ZNF804B: variants seen among roughly 807,000 people sequenced by gnomAD.
ZNF804B encodes the protein zinc finger 804B.
ZNF804B carries 80 observed loss-of-function variants against 101.4 expected under a neutral mutation model. The ratio of observed to expected loss-of-function variants is 0.79; its 90% CI spans 0.66 to 0.95. ZNF804B has a LOEUF of 0.95. Ranked by LOEUF, ZNF804B falls within the 40% of genes least tolerant of loss-of-function variation. The probability of loss-of-function intolerance (pLI) is 0.00; values close to 1 mark genes in which losing one functional copy is unlikely to be tolerated. For missense variants in ZNF804B, 1,673 were observed against 1,561.9 expected, an observed-to-expected ratio of 1.07 and a Z score of -1.20; for synonymous variants, 622 against 558.8, an observed-to-expected ratio of 1.11 and a Z score of -1.59.
chr7:89,054,301 T>C (rs1166700383), intron 1 of ZNF804B, among the ~76,000 whole-genome samples: 3 of 147,830 alleles, frequency 2.0e-5, no homozygotes, highest in Non-Finnish European at 4.5e-5. Context: ...AATATAAATA[T>C]ATATTATTAC....
At chr7:89,123,408 G>A (rs1198297539) in intron 1 of ZNF804B, among the ~76,000 whole-genome samples, 1 of 152,084 alleles carries the variant, frequency 6.6e-6, no homozygotes, top group Non-Finnish European at 1.5e-5. Context: ...ATGATCAGAT[G>A]TATTACAGAT....
chr7:88,819,617 G>T (rs1021436615), intron 1 of ZNF804B, among the ~76,000 whole-genome samples: 1 of 152,036 alleles, frequency 6.6e-6, no homozygotes, highest in Non-Finnish European at 1.5e-5. Flanking sequence ...GGACACAAAA[G>T]TGCTAAGTGT....
chr7:89,025,475 C>T (rs1396456642), intron 1 of ZNF804B, among the ~76,000 whole-genome samples: 1 of 152,006 alleles, frequency 6.6e-6, no homozygotes, highest in African/African-American at 2.4e-5. Flanking sequence ...TTTAATGTTT[C>T]AAAAGCAATT....
At chr7:88,831,786 A>C (rs1286617377) in intron 1 of ZNF804B, among the ~76,000 whole-genome samples, 1 of 151,952 alleles carries the variant, frequency 6.6e-6, no homozygotes, top group African/African-American at 2.4e-5. Flanking sequence ...ACCATTTATA[A>C]TTGAAATGAT....
At position 89,333,485 on chromosome 7, in the gene ZNF804B, T is replaced by G; in HGVS notation, c.503T>G (p.Leu168Arg). 6.2e-7 allele frequency: 1 copy of G among 1,613,298 alleles called. No individual in the cohort carries two copies. Among genetic ancestry groups the G allele is most frequent in the Non-Finnish European group, 8.5e-7 (1 of 1,179,556 alleles). The change falls in exon 4 of 4, where the codon CTT (leucine) becomes CGT (arginine). Residue 168 changes from leucine (L) to arginine (R), a missense_variant. Transcript: ENST00000333190. ...KVSCMKSALLLKGKNLPRIIS... is the reference protein window; with the variant it reads ...KVSCMKSALLRKGKNLPRIIS... The stretch of plus-strand genomic sequence containing the variant: ...TCATGCATGAAGAGTGCTCTTCTCC[T>G]TAAAGGAAAAAATCTCCCCAGAATC...
At chr7:89,045,790 G>T (rs1427028978) in intron 1 of ZNF804B, among the ~76,000 whole-genome samples, 1 of 152,148 alleles carries the variant, frequency 6.6e-6, no homozygotes, top group East Asian at 1.9e-4. Flanking sequence ...CTCTTAGGTG[G>T]AAGGGACTTG....
chr7:89,277,740 C>A (rs1175894159), intron 2 of ZNF804B, among the ~76,000 whole-genome samples: 19 of 151,612 alleles, frequency 1.3e-4, no homozygotes, highest in African/African-American at 4.4e-4. Context: ...TTCTTAATCC[C>A]ATCTATCATT....
chr7:89,294,753 C>A (rs1368006372), intron 2 of ZNF804B, among the ~76,000 whole-genome samples: 3 of 151,800 alleles, frequency 2.0e-5, no homozygotes, highest in African/African-American at 7.3e-5. Flanking sequence ...TACTATTTTT[C>A]ATATATATTA....
intron 1 of ZNF804B, among the ~76,000 whole-genome samples, chr7:88,965,150 A>G (rs1316455012): frequency 2.0e-5 from 3 of 151,492 alleles, no homozygotes; most frequent in Admixed American, 2.0e-4. Flanking sequence ...CAATATCTTC[A>G]TTCTACCTCT....
chr7:88,761,943 G>A (rs773459964), intron 1 of ZNF804B, among the ~76,000 whole-genome samples: 36 of 152,310 alleles, frequency 2.4e-4, no homozygotes, highest in Non-Finnish European at 3.8e-4. Flanking sequence ...GACTGGATGT[G>A]TGAATGTGGA....
chr7:89,297,551 A>C (rs1790402677), intron 2 of ZNF804B, among the ~76,000 whole-genome samples: 1 of 152,056 alleles, frequency 6.6e-6, no homozygotes, highest in African/African-American at 2.4e-5. Flanking sequence ...TTGAGGCCCA[A>C]ATTAAATATG....
At chr7:89,193,125 A>G (rs1788486030) in intron 1 of ZNF804B, among the ~76,000 whole-genome samples, 1 of 152,040 alleles carries the variant, frequency 6.6e-6, no homozygotes. Context: ...CCTATTCAGC[A>G]TAGTATTGGA....
intron 1 of ZNF804B, among the ~76,000 whole-genome samples, chr7:88,962,273 T>A (rs1245598654): frequency 6.6e-6 from 1 of 151,298 alleles, no homozygotes; most frequent in East Asian, 2.0e-4. Context: ...CAGCATCATT[T>A]GCTCTTCTCT....
chr7:89,111,612 A>C (rs1790219920), intron 1 of ZNF804B, among the ~76,000 whole-genome samples: 1 of 152,162 alleles, frequency 6.6e-6, no homozygotes, highest in Non-Finnish European at 1.5e-5. Flanking sequence ...GGCTTAGATA[A>C]AAGTCTTATC....
chr7:89,070,132 G>A (rs184902779), intron 1 of ZNF804B, among the ~76,000 whole-genome samples: 16 of 152,294 alleles, frequency 1.1e-4, no homozygotes, highest in African/African-American at 3.1e-4. Context: ...TTTAGACTCT[G>A]TTCTGTGTTA....
At position 88,885,085 on chromosome 7, in the gene ZNF804B, C is replaced by G. The variant is rs551689836; in HGVS notation, c.108+125001C>G. Among the ~76,000 whole-genome samples the G allele has an allele frequency of 9.9e-5, 15 of 152,064 alleles. No homozygotes were observed. The South Asian group carries it at 3.1e-3, about 32-fold the overall frequency. On this transcript the variant is annotated intron_variant, in intron 1 of 3. Coordinates refer to ENST00000333190, the MANE Select transcript of ZNF804B (RefSeq NM_181646.5). Reference sequence around the variant, plus strand: ...AATGCATATATAATTTGTATCCCTACTTGAAATGCAGCATTAGATTTCTAG... The same window carrying G: ...AATGCATATATAATTTGTATCCCTAGTTGAAATGCAGCATTAGATTTCTAG...
chr7:88,947,388 C>T (rs754791148), intron 1 of ZNF804B, among the ~76,000 whole-genome samples: 5 of 151,908 alleles, frequency 3.3e-5, no homozygotes, highest in African/African-American at 1.2e-4. Flanking sequence ...AGCTGGAAAC[C>T]ATGGTTCTCA....
intron 1 of ZNF804B, among the ~76,000 whole-genome samples, chr7:89,122,049 A>G (rs1008480931): frequency 6.6e-6 from 1 of 151,570 alleles, no homozygotes; most frequent in East Asian, 1.9e-4. Flanking sequence ...ATTATGCTAT[A>G]TGTTAAATTA....
rs368745767 is a variant in ZNF804B at position 89,228,271 on chromosome 7, G to A, written c.249+9976G>A. On this transcript the variant is annotated intron_variant, in intron 2 of 3. Coordinates refer to ENST00000333190, the MANE Select transcript of ZNF804B (RefSeq NM_181646.5). ...AGCAGCAGGATTTATTGCAAAGAGC[G>A]CAAGAACAAAGCTTCCACAGTGTGG... Among the ~76,000 whole-genome samples the A allele has an allele frequency of 1.2e-4, 19 of 152,146 alleles. 1 individual carries two copies. Among genetic ancestry groups the A allele is most frequent in the Non-Finnish European group, 2.1e-4 (14 of 68,014 alleles).
Sources: allele counts gnomAD v4.1 joint callset (sites outside exome capture counted in the v4.1 genomes callset), GRCh38; gene constraint gnomAD v4.1.1; transcripts MANE v1.5; gene names NCBI Gene and HGNC (gene_info 2026-07-23, HGNC 2026-07-21).